CASK: variants seen among roughly 807,000 people sequenced by gnomAD.
CASK encodes the protein peripheral plasma membrane protein CASK.
CASK carries 4 observed loss-of-function variants against 82.9 expected under a neutral mutation model. The observed-to-expected ratio is 0.05, with a 90% CI of 0.02 to 0.11. The LOEUF (loss-of-function observed/expected upper bound fraction) is 0.11, where lower values mean the gene tolerates loss of function less well. CASK is among the 10% of genes least tolerant of loss of function. The pLI is 1.00. For synonymous variants in CASK, 259 were observed against 253.5 expected, an observed-to-expected ratio of 1.02 and a Z score of -0.20; for missense variants, 358 against 720.9, an observed-to-expected ratio of 0.50 and a Z score of 5.76.
intron 5 of CASK, chrX:41,697,407 G>C (rs905821083): frequency 8.5e-6 from 1 of 117,640 alleles, no homozygotes; most frequent in African/African-American, 3.2e-5. Context: ...ACTTAAAACA[G>C]GTTTATAAAC....
At chrX:41,631,350 T>C (rs1444657720) in intron 9 of CASK, among the ~76,000 whole-genome samples, 1 of 112,045 alleles carries the variant, frequency 8.9e-6, no homozygotes, top group Non-Finnish European at 1.9e-5. Flanking sequence ...CCCAGCACTT[T>C]GGGAGGCCAA....
At chrX:41,813,824 A>C in intron 2 of CASK, among the ~76,000 whole-genome samples, 1 of 111,821 alleles carries the variant, frequency 8.9e-6, no homozygotes, top group African/African-American at 3.2e-5. Flanking sequence ...AATGGGAGAA[A>C]ATTTTTGCAA....
intron 8 of CASK, among the ~76,000 whole-genome samples, chrX:41,655,955 T>G (rs916841709): frequency 2.1e-4 from 23 of 111,559 alleles, no homozygotes; most frequent in African/African-American, 5.9e-4. Context: ...ACCTGGCCTA[T>G]TTATTAAAGG....
chrX:41,622,586 A>G, intron 11 of CASK, 31 bp downstream of exon 11: 2 of 1,171,413 alleles, frequency 1.7e-6, no homozygotes, highest in Non-Finnish European at 2.3e-6. Context: ...CATAAAAGAT[A>G]CACCTTAAAG....
At chrX:41,659,892 G>C (rs1224019044) in intron 8 of CASK, among the ~76,000 whole-genome samples, 1 of 108,940 alleles carries the variant, frequency 9.2e-6, no homozygotes, top group Non-Finnish European at 1.9e-5. Context: ...CCCAGCTACT[G>C]GGGAGGTTAA....
chrX:41,835,031 T>C (rs2070901552), intron 2 of CASK, among the ~76,000 whole-genome samples: 1 of 112,161 alleles, frequency 8.9e-6, no homozygotes, highest in Non-Finnish European at 1.9e-5. Flanking sequence ...ACCAAATTCC[T>C]GTCTTTATCT....
chrX:41,701,753 T>C (rs1373771370), intron 5 of CASK, among the ~76,000 whole-genome samples: 1 of 112,270 alleles, frequency 8.9e-6, no homozygotes, highest in African/African-American at 3.2e-5. Flanking sequence ...ATTTCCCCAC[T>C]TCAAGTTCAC....
intron 3 of CASK, among the ~76,000 whole-genome samples, chrX:41,771,482 G>C (rs2069243523): frequency 9.0e-6 from 1 of 111,380 alleles, no homozygotes; most frequent in Non-Finnish European, 1.9e-5. Flanking sequence ...ATAAATACAT[G>C]GGATTTATGT....
intron 8 of CASK, among the ~76,000 whole-genome samples, chrX:41,657,625 C>T (rs976502952): frequency 1.9e-4 from 21 of 111,135 alleles, no homozygotes; most frequent in Admixed American, 9.5e-4. Context: ...TGGGTTCAAG[C>T]GATTCTCCTG....
At chrX:41,725,739 C>G in intron 5 of CASK, among the ~76,000 whole-genome samples, 1 of 111,965 alleles carries the variant, frequency 8.9e-6, no homozygotes, top group East Asian at 2.8e-4. Context: ...AAGTAAAAAC[C>G]AGCATTTATG....
intron 11 of CASK, among the ~76,000 whole-genome samples, chrX:41,611,287 G>A (rs1406743706): frequency 9.0e-6 from 1 of 110,809 alleles, no homozygotes; most frequent in Non-Finnish European, 1.9e-5. Flanking sequence ...CCATTCTCAT[G>A]CAATTATTGG....
intron 2 of CASK, among the ~76,000 whole-genome samples, chrX:41,843,623 T>C (rs558130652): frequency 8.9e-6 from 1 of 111,864 alleles, no homozygotes; most frequent in African/African-American, 3.2e-5. Context: ...CAACCATTAC[T>C]GTGTTCAAAT....
chrX:41,693,119 A>G (rs2147568699), intron 5 of CASK, among the ~76,000 whole-genome samples: 1 of 111,727 alleles, frequency 9.0e-6, no homozygotes, highest in East Asian at 2.8e-4. Context: ...TTTTCACGTC[A>G]TTTCAGCTAC....
chrX:41,515,442 A>G lies in CASK; in HGVS notation c.*4978T>C, dbSNP rs2064530723. On this transcript the variant is annotated 3_prime_UTR_variant, in exon 27 of 27. Coordinates refer to ENST00000378163, the MANE Select transcript of CASK (RefSeq NM_001367721.1). The stretch of plus-strand genomic sequence containing the variant: ...ACCTTTTATAAAAAGGCAATAATAC[A>G]TACAGAAAAAAGAACACGTTGGCAA... 8.9e-6 allele frequency: 1 copy of G among 112,251 alleles called. No individual in the cohort carries two copies. Among genetic ancestry groups the G allele is most frequent in the South Asian group, 3.7e-4 (1 of 2,735 alleles). The allele number at this position is 112,251 out of a possible 1,213,427, so 9.3% of individuals were successfully genotyped here.
chrX:41,852,497 TA>T (rs1250573857), intron 2 of CASK, among the ~76,000 whole-genome samples: 1 of 111,608 alleles, frequency 9.0e-6, no homozygotes. Flanking sequence ...AACTATGGCT[TA>T]AAAAACAAAC....
intron 3 of CASK, among the ~76,000 whole-genome samples, chrX:41,759,020 T>C (rs1214265487): frequency 1.8e-5 from 2 of 112,315 alleles, no homozygotes; most frequent in African/African-American, 6.5e-5. Context: ...ACCTTTTATG[T>C]CAAGATTGAA....
In CASK at chrX:41,893,186, G is replaced by A. The variant is rs150490046; in HGVS notation, c.59+29744C>T. 1.2e-3 allele frequency among the ~76,000 whole-genome samples: 134 copies of A among 112,028 alleles called. 2 individuals carry two copies. Among genetic ancestry groups the A allele is most frequent in the African/African-American group, 4.3e-3 (131 of 30,814 alleles). ...GGACCTCAGCTACTAATGATCCTAG[G>A]TAAGACCAGCAGGGTCTGTGACATT... On this transcript the variant is annotated intron_variant, in intron 1 of 26. Coordinates refer to ENST00000378163, the MANE Select transcript of CASK (RefSeq NM_001367721.1).
At chrX:41,719,166 C>T (rs1200210525) in intron 5 of CASK, among the ~76,000 whole-genome samples, 1 of 111,959 alleles carries the variant, frequency 8.9e-6, no homozygotes, top group African/African-American at 3.2e-5. Context: ...TCTACTCTTT[C>T]TCAGTGTCAA....
chrX:41,793,389 A>G (rs1322856629), intron 2 of CASK, among the ~76,000 whole-genome samples: 2 of 111,820 alleles, frequency 1.8e-5, no homozygotes, highest in Non-Finnish European at 3.8e-5. Context: ...CTGGGTCTGC[A>G]TAGTTTTTAT....
Sources: allele counts gnomAD v4.1 joint callset (sites outside exome capture counted in the v4.1 genomes callset), GRCh38; gene constraint gnomAD v4.1.1; transcripts MANE v1.5; gene names NCBI Gene and HGNC (gene_info 2026-07-23, HGNC 2026-07-21).